The following HIVEP3 variants were observed in gnomAD, a reference collection of about 807,000 sequenced individuals.
HIVEP3 encodes the protein transcription factor HIVEP3.
HIVEP3 carries 49 observed loss-of-function variants against 152.8 expected under a neutral mutation model. The observed-to-expected ratio is 0.32, with a 90% confidence interval of 0.26 to 0.41. HIVEP3 has a LOEUF of 0.41. HIVEP3 is among the 10% of genes least tolerant of loss of function. The probability of loss-of-function intolerance (pLI) is 1.00; values close to 1 mark genes in which losing one functional copy is unlikely to be tolerated. For missense variants in HIVEP3, 2,790 were observed against 3,103.3 expected (o/e 0.90, Z 2.40); for synonymous variants, 1,269 against 1,289.0 (o/e 0.98, Z 0.33).
At chr1:41,954,052 C>T (rs954379934) in intron 1 of HIVEP3, among the ~76,000 whole-genome samples, 5 of 152,120 alleles carry the variant, frequency 3.3e-5, no homozygotes, top group Admixed American at 3.3e-4. Context: ...TGGCAGACCA[C>T]CCGAGGTGAC....
chr1:41,932,301 T>G (rs1645000105), intron 1 of HIVEP3, among the ~76,000 whole-genome samples: 3 of 152,020 alleles, frequency 2.0e-5, no homozygotes, highest in East Asian at 1.9e-4. Context: ...TGTTTTGTTT[T>G]TTTGTTTGTT....
chr1:41,598,339 C>T (rs973121653), intron 3 of HIVEP3, among the ~76,000 whole-genome samples: 3 of 152,202 alleles, frequency 2.0e-5, no homozygotes, highest in African/African-American at 4.8e-5. Flanking sequence ...GCACACCTAC[C>T]TACAAGCTTC....
intron 1 of HIVEP3, among the ~76,000 whole-genome samples, chr1:41,836,895 T>C (rs895770155): frequency 2.6e-5 from 4 of 152,254 alleles, no homozygotes; most frequent in Admixed American, 2.0e-4. Context: ...GCATGAACTA[T>C]TGAAGTGGCA....
At chr1:41,997,269 G>A (rs1188930322) in intron 1 of HIVEP3, among the ~76,000 whole-genome samples, 2 of 152,198 alleles carry the variant, frequency 1.3e-5, no homozygotes, top group African/African-American at 2.4e-5. Context: ...AATGGAAGGA[G>A]TGCCAATAAA....
chr1:41,593,497 A>G (rs2149117798), intron 3 of HIVEP3, among the ~76,000 whole-genome samples: 1 of 152,304 alleles, frequency 6.6e-6, no homozygotes, highest in Non-Finnish European at 1.5e-5. Flanking sequence ...TCTTCTGCAT[A>G]CTTGTATGAG....
At chr1:41,712,332 C>G (rs982463570) in intron 1 of HIVEP3, among the ~76,000 whole-genome samples, 1 of 152,262 alleles carries the variant, frequency 6.6e-6, no homozygotes, top group Non-Finnish European at 1.5e-5. Flanking sequence ...ACTGCTTGTG[C>G]GCACCAGGCA....
intron 2 of HIVEP3, among the ~76,000 whole-genome samples, chr1:41,689,725 A>G (rs1396590300): frequency 6.6e-6 from 1 of 152,240 alleles, no homozygotes; most frequent in Non-Finnish European, 1.5e-5. Flanking sequence ...ATATGCATGA[A>G]GCTATTTTAG....
chr1:41,557,466 A>T (rs1003173696), intron 5 of HIVEP3, among the ~76,000 whole-genome samples: 8 of 152,122 alleles, frequency 5.3e-5, no homozygotes, highest in Non-Finnish European at 1.0e-4. Flanking sequence ...CTGGGCTTTG[A>T]AGAGTTTACT....
At chr1:41,818,170 A>G (rs1270718630) in intron 1 of HIVEP3, among the ~76,000 whole-genome samples, 9 of 152,260 alleles carry the variant, frequency 5.9e-5, no homozygotes, top group Admixed American at 5.9e-4. Flanking sequence ...GCATATGAAT[A>G]GGCAATTCAT....
rs373430944 is a variant in HIVEP3, at chr1:41,583,426, G to A, written c.1372C>T (p.Arg458Trp). Residue 458 changes from arginine to tryptophan, a missense_variant, in exon 4 of 9, where the codon CGG (arginine) becomes TGG (tryptophan). By Grantham distance (101) the Arg-to-Trp change is moderately radical. Coordinates refer to ENST00000372583, the MANE Select transcript of HIVEP3 (RefSeq NM_024503.5). This position sits in a 1 kb window ranked among gnomAD's most constrained non-coding sequence, Gnocchi z 6.9. ...KPSLVPLSVP[R>W]TQVIEHITKL... ...GTGATGTGCTCGATCACCTGCGTCCGGGGTACAGACAAAGGCACCAGGCTG... is the reference window on the plus strand; with the variant it reads ...GTGATGTGCTCGATCACCTGCGTCCAGGGTACAGACAAAGGCACCAGGCTG... 2.0e-5 allele frequency: 33 copies of A among 1,613,804 alleles called. No homozygotes were observed. Among genetic ancestry groups the A allele is most frequent in the Admixed American group, 5.0e-5 (3 of 59,994 alleles).
intron 1 of HIVEP3, among the ~76,000 whole-genome samples, chr1:41,896,733 C>T (rs1162435877): frequency 6.6e-6 from 1 of 152,002 alleles, no homozygotes. Flanking sequence ...TGCCACCACA[C>T]CCGGCTAATT....
At chr1:41,650,030 C>A (rs1443170320) in intron 2 of HIVEP3, among the ~76,000 whole-genome samples, 1 of 151,940 alleles carries the variant, frequency 6.6e-6, no homozygotes, top group East Asian at 1.9e-4. Context: ...AAGAAACAAA[C>A]CGGCAAGCAG....
intron 1 of HIVEP3, among the ~76,000 whole-genome samples, chr1:41,948,544 A>ATT (rs1645087579): frequency 1.3e-5 from 2 of 149,124 alleles, no homozygotes. Context: ...GAAGCCAAAG[A>ATT]GCCGCAAGGC....
intron 3 of HIVEP3, among the ~76,000 whole-genome samples, chr1:41,611,290 A>T (rs1232528649): frequency 6.6e-6 from 1 of 152,196 alleles, no homozygotes; most frequent in Admixed American, 6.5e-5. Context: ...TAAGCTATAC[A>T]CGGGCAAAGG....
intron 1 of HIVEP3, among the ~76,000 whole-genome samples, chr1:41,975,131 AATT>A (rs1298097812): frequency 2.0e-5 from 3 of 152,170 alleles, no homozygotes; most frequent in African/African-American, 7.2e-5. Flanking sequence ...AATTTGGGAC[AATT>A]ATGAGGAGCC....
At chr1:41,600,048 C>CA (rs199941906) in intron 3 of HIVEP3, among the ~76,000 whole-genome samples, 71 of 151,418 alleles carry the variant, frequency 4.7e-4, no homozygotes, top group Admixed American at 1.6e-3. Context: ...ATGGCTACAA[C>CA]AAAAAAAAGA....
intron 1 of HIVEP3, among the ~76,000 whole-genome samples, chr1:41,955,087 T>C (rs996728286): frequency 6.6e-6 from 1 of 152,088 alleles, no homozygotes; most frequent in Non-Finnish European, 1.5e-5. Flanking sequence ...ACTCTGTTGG[T>C]AGTATTTACA....
intron 7 of HIVEP3, among the ~76,000 whole-genome samples, chr1:41,516,181 G>GGCGGCCCCTTCCCAGGGCCCTTCCAGGA (rs11270500): frequency 6.6e-6 from 1 of 151,538 alleles, no homozygotes; most frequent in African/African-American, 2.4e-5. Context: ...CCCCTGGCTG[G>GGCGGCCCCTTCCCAGGGCCCTTCCAGGA]GCGGCCCCGC....
At chr1:41,806,573 C>T (rs1650624423) in intron 1 of HIVEP3, among the ~76,000 whole-genome samples, 1 of 152,246 alleles carries the variant, frequency 6.6e-6, no homozygotes, top group Non-Finnish European at 1.5e-5. Flanking sequence ...AAGGTTGTCA[C>T]TAGAATGAGA....
Sources: gnomAD v4.1 joint callset for allele counts (sites outside exome capture counted in the v4.1 genomes callset) on GRCh38, gnomAD v4.1.1 for gene constraint, Gnocchi (gnomAD v3.1) non-coding constraint, MANE v1.5 for transcripts, NCBI Gene and HGNC (gene_info 2026-07-23, HGNC 2026-07-21) for gene names.